MED13L: variants seen among roughly 807,000 people sequenced by gnomAD.
The protein encoded by MED13L is mediator of RNA polymerase II transcription subunit 13-like.
In MED13L, 7 loss-of-function variants were observed where a neutral mutation model predicts 220.9. That is an observed-to-expected ratio of 0.03 (90% CI 0.02 to 0.06). The LOEUF (loss-of-function observed/expected upper bound fraction) is 0.06, where lower values mean the gene tolerates loss of function less well. Ranked by LOEUF, MED13L falls within the 10% of genes least tolerant of loss-of-function variation. The pLI, the probability that MED13L is intolerant of heterozygous loss-of-function variation, is 1.00. For missense variants in MED13L, 1,965 were observed against 2,760.5 expected, an observed-to-expected ratio of 0.71 and a Z score of 6.46; for synonymous variants, 1,011 against 1,015.2, an observed-to-expected ratio of 1.00 and a Z score of 0.08.
At position 116,040,187 on chromosome 12, in the gene MED13L, G is replaced by A. The variant is rs528849068; in HGVS notation, c.480-17586C>T. On this transcript the variant is annotated intron_variant, in intron 4 of 30. Transcript: ENST00000281928. Reference sequence around the variant, plus strand: ...TTCATTTTAGTAACAGAAGCTTTCCGTTCAACCTCATGCATAAACACACTT... The same window carrying A: ...TTCATTTTAGTAACAGAAGCTTTCCATTCAACCTCATGCATAAACACACTT... Among the ~76,000 whole-genome samples the A allele has an allele frequency of 3.8e-4, 58 of 152,106 alleles. 1 individual carries two copies. The highest frequency in any genetic ancestry group is 7.1e-4 in the Non-Finnish European group (48 of 68,016).
chr12:116,154,060 C>T (rs993499728), intron 2 of MED13L, among the ~76,000 whole-genome samples: 1 of 152,200 alleles, frequency 6.6e-6, no homozygotes, highest in African/African-American at 2.4e-5. Context: ...ACATTAACAA[C>T]AGTTTATACT....
In MED13L at chr12:116,008,626, T is replaced by A; in HGVS notation, c.1787A>T (p.Asp596Val). ...TTGGCCTACGAGGACAGTTCTGTCA[T>A]CCAGAGTAGACAACTGCTGGAGTTC... ...GLELQQLSTL[D>V]DRTVLVGQRL... Residue 596 changes from aspartate (D) to valine (V), a missense_variant, in exon 10 of 31, where the codon GAT becomes GTT. Physicochemically the swap from Asp to Val is radical, Grantham distance 152 (BLOSUM62 -3). This residue lies in a region of MED13L where 818 missense variants were observed against 1,041.2 expected (regional missense o/e 0.79). Coordinates refer to ENST00000281928, the MANE Select transcript of MED13L (RefSeq NM_015335.5). The A allele has an allele frequency of 6.2e-7, 1 of 1,614,102 alleles. No homozygotes were observed. The highest frequency in any genetic ancestry group is 8.5e-7 in the Non-Finnish European group (1 of 1,180,012).
At chr12:116,276,889 G>A (rs1043628822) in intron 1 of MED13L, 171 bp downstream of exon 1, 9 of 978,786 alleles carry the variant, frequency 9.2e-6, no homozygotes, top group Admixed American at 6.3e-5. Flanking sequence ...TGGGATCCAA[G>A]GCGAGAGAGA....
At chr12:116,186,053 T>TA (rs1168444015) in intron 2 of MED13L, among the ~76,000 whole-genome samples, 2 of 152,202 alleles carry the variant, frequency 1.3e-5, no homozygotes, top group African/African-American at 4.8e-5. Context: ...CTGAAACAAA[T>TA]ACGCTACCTC....
At chr12:116,094,900 G>T (rs1201201256) in intron 4 of MED13L, among the ~76,000 whole-genome samples, 1 of 152,124 alleles carries the variant, frequency 6.6e-6, no homozygotes, top group Non-Finnish European at 1.5e-5. Context: ...CAGGCACAGG[G>T]GCTCACACCT....
chr12:116,103,920 C>CTAGGGCGG (rs1873313012), intron 3 of MED13L, among the ~76,000 whole-genome samples: 2 of 150,736 alleles, frequency 1.3e-5, no homozygotes, highest in African/African-American at 4.9e-5. Flanking sequence ...ATTTCTTCAA[C>CTAGGGCGG]TAGGGCGGTA....
chr12:116,237,093 TAAC>T (rs1870151973), intron 2 of MED13L, among the ~76,000 whole-genome samples: 1 of 152,208 alleles, frequency 6.6e-6, no homozygotes, highest in South Asian at 2.1e-4. Flanking sequence ...CAGTGAACCA[TAAC>T]AACCACAGTC....
chr12:116,038,253 T>A (rs1881305953), intron 4 of MED13L, among the ~76,000 whole-genome samples: 1 of 151,544 alleles, frequency 6.6e-6, no homozygotes, highest in African/African-American at 2.4e-5. Flanking sequence ...GTATAAGACA[T>A]GGGGGATGAT....
At position 116,013,097 on chromosome 12, in the gene MED13L, C is replaced by T. The variant is rs112351960; in HGVS notation, c.1176-196G>A. 4.7e-4 allele frequency among the ~76,000 whole-genome samples: 72 copies of T among 152,248 alleles called. 1 individual carries two copies. The highest frequency in any genetic ancestry group is 2.6e-4 in the Non-Finnish European group (18 of 68,020). On this transcript the variant is annotated intron_variant, in intron 8 of 30. Transcript: ENST00000281928. ...TTCAAAATGTTTCCATTTGGCTGGG[C>T]GCATGTGGTTCATACTTGTAATCCC... is the stretch of plus-strand genomic sequence containing the variant.
In MED13L at chr12:115,997,021, C is replaced by T. The variant is rs1408077758; in HGVS notation, c.2779G>A (p.Glu927Lys). ...VEDGLGSPKPEEIKDFSYVHK... is the reference protein window; with the variant it reads ...VEDGLGSPKPKEIKDFSYVHK... ...ATATTGACAACTACCTTAATTTCCT[C>T]GGGCTTGGGACTTCCTAATCCATCT... The change falls in exon 15 of 31, where the codon GAG becomes AAG. Residue 927 changes from glutamate to lysine, a missense_variant. Physicochemically the swap from Glu to Lys is moderately conservative, Grantham distance 56 (BLOSUM62 1). Coordinates refer to ENST00000281928, the MANE Select transcript of MED13L (RefSeq NM_015335.5). The T allele has an allele frequency of 6.8e-6, 11 of 1,613,480 alleles. No homozygotes were observed. The highest frequency in any genetic ancestry group is 7.6e-6 in the Non-Finnish European group (9 of 1,179,446).
At position 115,997,878 on chromosome 12, in the gene MED13L, T is replaced by G. The variant is rs531977051; in HGVS notation, c.2570-648A>C. 5.3e-4 allele frequency among the ~76,000 whole-genome samples: 80 copies of G among 152,354 alleles called. No homozygotes were observed. In the South Asian group the frequency reaches 0.016, roughly 31 times the overall value. ...TAAACAGAAAGTGGAAGCAATTAGA[T>G]AGTTACCACTACTAAAGTTCTATCC... On this transcript the variant is annotated intron_variant, in intron 14 of 30. Transcript: ENST00000281928.
At chr12:116,152,741 TA>T (rs1878143709) in intron 2 of MED13L, among the ~76,000 whole-genome samples, 1 of 152,196 alleles carries the variant, frequency 6.6e-6, no homozygotes, top group South Asian at 2.1e-4. Flanking sequence ...AAAATGCCCT[TA>T]TTTTTTAAAA....
At chr12:115,971,812 AG>A (rs749176407) in intron 26 of MED13L, among the ~76,000 whole-genome samples, 6 of 152,190 alleles carry the variant, frequency 3.9e-5, no homozygotes, top group African/African-American at 1.2e-4. Flanking sequence ...AACTGGGGTC[AG>A]GTAACAGTCA....
intron 4 of MED13L, among the ~76,000 whole-genome samples, chr12:116,040,130 G>T (rs897468772): frequency 2.0e-5 from 3 of 152,172 alleles, no homozygotes; most frequent in African/African-American, 4.8e-5. Flanking sequence ...AGAGAAAAAA[G>T]AAAATTGTGG....
At chr12:116,070,367 T>C (rs771020339) in intron 4 of MED13L, among the ~76,000 whole-genome samples, 2 of 152,238 alleles carry the variant, frequency 1.3e-5, no homozygotes, top group Non-Finnish European at 2.9e-5. Context: ...AAATGAGGTA[T>C]TTAATCAGCA....
At chr12:116,033,301 C>T (rs920469844) in intron 4 of MED13L, among the ~76,000 whole-genome samples, 1 of 152,208 alleles carries the variant, frequency 6.6e-6, no homozygotes, top group Middle Eastern at 3.4e-3. Context: ...AATTCGTTCA[C>T]AAGAACATCA....
intron 2 of MED13L, among the ~76,000 whole-genome samples, chr12:116,183,720 A>G (rs1293446918): frequency 6.6e-6 from 1 of 152,212 alleles, no homozygotes; most frequent in East Asian, 1.9e-4. Context: ...GAAATTAGGT[A>G]GCACTGCATT....
At chr12:115,983,050 G>C (rs1004321980) in intron 21 of MED13L, 67 bp downstream of exon 21, 10 of 1,523,384 alleles carry the variant, frequency 6.6e-6, no homozygotes, top group African/African-American at 2.7e-5. Context: ...AGGGAGAAAA[G>C]GTGCAGAAGA....
intron 1 of MED13L, among the ~76,000 whole-genome samples, chr12:116,241,589 T>A (rs1245899738): frequency 6.6e-6 from 1 of 152,094 alleles, no homozygotes; most frequent in Non-Finnish European, 1.5e-5. Context: ...TCCACTAACT[T>A]CCTATCAGTA....
Sources: allele counts gnomAD v4.1 joint callset (sites outside exome capture counted in the v4.1 genomes callset), GRCh38; gene constraint gnomAD v4.1.1; regional missense constraint gnomAD v4.1.1; transcripts MANE v1.5; gene names NCBI Gene and HGNC (gene_info 2026-07-23, HGNC 2026-07-21).